PPP1R7: variants seen among roughly 807,000 people sequenced by gnomAD.
PPP1R7 encodes protein phosphatase 1 regulatory subunit 7, also known as protein phosphatase 1 regulatory subunit 22.
In PPP1R7, 18 loss-of-function variants were observed where a neutral mutation model predicts 45.2. That is an observed-to-expected ratio of 0.40 (90% CI 0.28 to 0.59). The LOEUF (loss-of-function observed/expected upper bound fraction) is 0.59, where lower values mean the gene tolerates loss of function less well. PPP1R7 is among the 20% of genes least tolerant of loss of function. The pLI, the probability that PPP1R7 is intolerant of heterozygous loss-of-function variation, is 0.46. For synonymous variants in PPP1R7, 181 were observed against 183.4 expected, an observed-to-expected ratio of 0.99 and a Z score of 0.11; for missense variants, 314 against 455.8, an observed-to-expected ratio of 0.69 and a Z score of 2.83.
chr2:241,174,211 A>G (rs1019535064), intron 9 of PPP1R7, among the ~76,000 whole-genome samples: 2 of 152,092 alleles, frequency 1.3e-5, no homozygotes, highest in Non-Finnish European at 2.9e-5. Flanking sequence ...TGGCCCTCCT[A>G]GGATCTCTGG....
intron 1 of PPP1R7, 98 bp downstream of exon 1, chr2:241,150,645 C>G: frequency 7.4e-7 from 1 of 1,342,930 alleles, no homozygotes; most frequent in Non-Finnish European, 9.6e-7. Context: ...CACGTCCTGC[C>G]TCTGGCCGCC....
At chr2:241,158,228 T>G (rs2067504123) in intron 3 of PPP1R7, among the ~76,000 whole-genome samples, 1 of 152,136 alleles carries the variant, frequency 6.6e-6, no homozygotes, top group South Asian at 2.1e-4. Flanking sequence ...GAGCTTATGT[T>G]TTGTGCATAC....
At chr2:241,181,072 C>T (rs2067995546) in intron 9 of PPP1R7, among the ~76,000 whole-genome samples, 1 of 152,166 alleles carries the variant, frequency 6.6e-6, no homozygotes, top group African/African-American at 2.4e-5. Context: ...ATGGCGAGTG[C>T]CTGTAATCCC....
At chr2:241,179,282 A>G (rs115103392) in intron 9 of PPP1R7, among the ~76,000 whole-genome samples, 380 of 152,284 alleles carry the variant, frequency 2.5e-3, no homozygotes, top group African/African-American at 8.3e-3. Context: ...GCTAATTGCA[A>G]AGGGAAAGCA....
intron 9 of PPP1R7, among the ~76,000 whole-genome samples, chr2:241,174,469 GC>G (rs1195802942): frequency 6.6e-6 from 1 of 151,772 alleles, no homozygotes; most frequent in African/African-American, 2.4e-5. Context: ...AGCTCCCTTT[GC>G]CTCCCCAAAC....
upstream of PPP1R7, chr2:241,149,622 G>A: frequency 3.3e-6 from 5 of 1,535,678 alleles, no homozygotes; most frequent in Non-Finnish European, 4.4e-6. Context: ...CACCCCTACG[G>A]CGCTTCGGAG....
intron 8 of PPP1R7, among the ~76,000 whole-genome samples, chr2:241,169,118 C>T (rs1183734670): frequency 6.6e-6 from 1 of 152,222 alleles, no homozygotes; most frequent in Non-Finnish European, 1.5e-5. Flanking sequence ...TAAAAACACA[C>T]TCTTGTCTCC....
Position 241,183,360 on chromosome 2 carries a change from G to A in PPP1R7, c.*537G>A, listed in dbSNP as rs11888347. ...GCTGGGTAAAAGCTGACTCAGCCCTGTGTGCTTGTGTTCCTTAGAGCTCTC... is the reference window on the plus strand; with the variant it reads ...GCTGGGTAAAAGCTGACTCAGCCCTATGTGCTTGTGTTCCTTAGAGCTCTC... On this transcript the variant is annotated 3_prime_UTR_variant, in exon 10 of 10. Transcript: ENST00000234038. The A allele has an allele frequency of 6.4e-6, 3 of 468,492 alleles. No individual in the cohort carries two copies. The highest frequency in any genetic ancestry group is 2.0e-5 in the African/African-American group (1 of 49,918). 29.0% of individuals were successfully genotyped at this position (468,492 alleles called of 1,614,324 possible).
intron 4 of PPP1R7, 59 bp downstream of exon 4, chr2:241,158,608 A>G: frequency 6.6e-7 from 1 of 1,520,630 alleles, no homozygotes. Context: ...GGATAAGTCC[A>G]GAATCGAGCA....
At position 241,182,913 on chromosome 2, in the gene PPP1R7, C is replaced by A. The variant is rs1409716688; in HGVS notation, c.*90C>A. ...CCACCTGTTGCTCCTGAGGTCGTCA[C>A]TATATCAACAGTCACAAACCCAATG... On this transcript the variant is annotated 3_prime_UTR_variant, in exon 10 of 10. Transcript: ENST00000234038. 5 of 1,429,278 alleles carry A rather than the reference C, an allele frequency of 3.5e-6. No homozygotes were observed. The highest frequency in any genetic ancestry group is 4.7e-6 in the Non-Finnish European group (5 of 1,056,518). 88.5% of individuals were successfully genotyped at this position (1,429,278 alleles called of 1,614,324 possible).
intron 1 of PPP1R7, 127 bp downstream of exon 1, chr2:241,150,674 A>G: frequency 7.7e-7 from 1 of 1,297,684 alleles, no homozygotes; most frequent in Non-Finnish European, 9.9e-7. Context: ...GCCCCCTGAC[A>G]GCTGACAGCC....
At chr2:241,150,769 G>C (rs7580335) in intron 1 of PPP1R7, among the ~76,000 whole-genome samples, 3,771 of 152,222 alleles carry the variant, frequency 0.025, 146 homozygotes, top group African/African-American at 0.085. Flanking sequence ...CCAGAGCTAG[G>C]GGGAGAGCGG....
chr2:241,172,565 A>AATCACTGCAATCT (rs1337070070), intron 9 of PPP1R7, among the ~76,000 whole-genome samples: 35 of 151,580 alleles, frequency 2.3e-4, no homozygotes, highest in Admixed American at 1.6e-3. Flanking sequence ...AATCACTTGA[A>AATCACTGCAATCT]CCTGGCAAGT....
chr2:241,176,521 G>A (rs1430586312), intron 9 of PPP1R7, among the ~76,000 whole-genome samples: 1 of 149,804 alleles, frequency 6.7e-6, no homozygotes, highest in African/African-American at 2.5e-5. Context: ...GTAGTGGCAC[G>A]ATCTCGGCTC....
chr2:241,165,617 G>A (rs1400591582), intron 7 of PPP1R7, among the ~76,000 whole-genome samples: 2 of 151,826 alleles, frequency 1.3e-5, no homozygotes, highest in Non-Finnish European at 2.9e-5. Flanking sequence ...GTTTTGAGAC[G>A]GAGTCTCGCT....
At chr2:241,156,258 T>C (rs1013470831) in intron 2 of PPP1R7, among the ~76,000 whole-genome samples, 1 of 152,208 alleles carries the variant, frequency 6.6e-6, no homozygotes, top group Admixed American at 6.5e-5. Context: ...GACAATCTGT[T>C]TACAGGAGAA....
rs2068046620 is a variant in PPP1R7, at chr2:241,183,582, G to T, written c.*759G>T. 2.6e-6 allele frequency: 1 copy of T among 381,242 alleles called. No homozygotes were observed. The allele number at this position is 381,242 out of a possible 1,614,324, so 23.6% of individuals were successfully genotyped here. On this transcript the variant is annotated 3_prime_UTR_variant, in exon 10 of 10. Coordinates refer to ENST00000234038, the MANE Select transcript of PPP1R7 (RefSeq NM_002712.3). ...CAAGGATCTGAACTCTTGGCCACTG[G>T]TATAGTGGCCTCCTGTTCTCACCCC...
chr2:241,160,680 A>G (rs1190979379), intron 6 of PPP1R7, among the ~76,000 whole-genome samples, 186 bp downstream of exon 6: 1 of 152,240 alleles, frequency 6.6e-6, no homozygotes, highest in Non-Finnish European at 1.5e-5. Context: ...AGTATCAGTA[A>G]GTCCTGAGTG....
At chr2:241,157,170 A>C (rs991128243) in intron 2 of PPP1R7, among the ~76,000 whole-genome samples, 1 of 152,168 alleles carries the variant, frequency 6.6e-6, no homozygotes, top group African/African-American at 2.4e-5. Context: ...TGCTGGAGTG[A>C]GTTCACCAGT....
Sources: allele counts gnomAD v4.1 joint callset (sites outside exome capture counted in the v4.1 genomes callset), GRCh38; gene constraint gnomAD v4.1.1; transcripts MANE v1.5; gene names NCBI Gene and HGNC (gene_info 2026-07-23, HGNC 2026-07-21).